The following CD44 variants were observed in gnomAD, a reference collection of about 807,000 sequenced individuals.
CD44 encodes the protein CD44 molecule (IN blood group).
In CD44, 49 loss-of-function variants were observed where a neutral mutation model predicts 88.8. The observed-to-expected ratio is 0.55, with a 90% CI of 0.44 to 0.70. The LOEUF (loss-of-function observed/expected upper bound fraction) is 0.70, where lower values mean the gene tolerates loss of function less well. Among genes scored for constraint, CD44 ranks in the 30% least tolerant of loss-of-function variants. The probability of loss-of-function intolerance (pLI) is 0.00; values close to 1 mark genes in which losing one functional copy is unlikely to be tolerated. For missense variants in CD44, 883 were observed against 913.8 expected (o/e 0.97, Z 0.43); for synonymous variants, 325 against 312.3 (o/e 1.04, Z -0.43).
At chr11:35,210,812 G>C (rs929607950) in intron 13 of CD44, 1 of 171,656 alleles carries the variant, frequency 5.8e-6, no homozygotes, top group Non-Finnish European at 1.3e-5. Flanking sequence ...GTAGCCTCAG[G>C]CCTTTGAAAC....
Position 35,139,221 on chromosome 11 carries a change from G to T in CD44, c.-83G>T, listed in dbSNP as rs551865215. On this transcript the variant is annotated 5_prime_UTR_variant, in exon 1 of 18. Transcript: ENST00000428726. Reference sequence around the variant, plus strand: ...CTGCCAGGTTCGGTCCGCCATCCTCGTCCCGTCCTCCGCCGGCCCCTGCCC... The same window carrying T: ...CTGCCAGGTTCGGTCCGCCATCCTCTTCCCGTCCTCCGCCGGCCCCTGCCC... 4.5e-4 allele frequency: 508 copies of T among 1,118,208 alleles called. 3 individuals are homozygous for T. In the Middle Eastern group the frequency reaches 5.5e-3, roughly 12 times the overall value. 69.3% of individuals were successfully genotyped at this position (1,118,208 alleles called of 1,614,324 possible).
chr11:35,202,487 A>T (rs1191485955), intron 9 of CD44, among the ~76,000 whole-genome samples: 1 of 152,166 alleles, frequency 6.6e-6, no homozygotes, highest in Non-Finnish European at 1.5e-5. Context: ...TTCTTCTTTT[A>T]TCTATCCCGC....
chr11:35,143,250 G>A (rs762823263), intron 1 of CD44, among the ~76,000 whole-genome samples: 32 of 151,736 alleles, frequency 2.1e-4, no homozygotes, highest in Non-Finnish European at 4.1e-4. Context: ...TCGCTAGATG[G>A]TCAGGAGCAC....
Position 35,229,368 on chromosome 11 carries a change from T to C in CD44, c.*35T>C, listed in dbSNP as rs1410468166. 2.9e-6 allele frequency: 4 copies of C among 1,394,156 alleles called. No homozygotes were observed. The Admixed American group carries it at 6.8e-5, about 24-fold the overall frequency. 86.4% of individuals were successfully genotyped at this position (1,394,156 alleles called of 1,614,324 possible). On this transcript the variant is annotated 3_prime_UTR_variant, in exon 18 of 18. Transcript: ENST00000428726. Reference sequence around the variant, plus strand: ...CATTATCTTGGAAAGAAACAACCGTTGGAAACATAACCATTACAGGGAGCT... The same window carrying C: ...CATTATCTTGGAAAGAAACAACCGTCGGAAACATAACCATTACAGGGAGCT...
At chr11:35,198,379 A>C in intron 7 of CD44, 133 bp downstream of exon 7, 1 of 703,062 alleles carries the variant, frequency 1.4e-6, no homozygotes, top group Non-Finnish European at 2.3e-6. Context: ...CCTTAGTTAT[A>C]TCTTGATGAG....
rs751411160 is a variant in CD44 at position 35,201,148 on chromosome 11, G to T, written c.989G>T (p.Ser330Ile). 6.2e-7 allele frequency: 1 copy of T among 1,613,946 alleles called. No homozygotes were observed. Among genetic ancestry groups the T allele is most frequent in the Non-Finnish European group, 8.5e-7 (1 of 1,179,944 alleles). The change falls in exon 8 of 18, where the codon AGC becomes ATC. Residue 330 changes from serine to isoleucine, a missense_variant. Ser to Ile is a moderately radical substitution (Grantham distance 142). This residue lies in a region of CD44 where 631 missense variants were observed against 590.9 expected (regional missense o/e 1.07). Transcript: ENST00000428726. ...CAGGACTGGACCCAGTGGAACCCAAGCCATTCAAATCCGGAAGTGCTACTT... is the reference window on the plus strand; with the variant it reads ...CAGGACTGGACCCAGTGGAACCCAATCCATTCAAATCCGGAAGTGCTACTT... Reference protein sequence around the residue: ...QNQDWTQWNPSHSNPEVLLQT... With the variant: ...QNQDWTQWNPIHSNPEVLLQT...
rs34175178 is a variant in CD44, at chr11:35,220,763, C to CT, written c.1946-870dup. Among the ~76,000 whole-genome samples the CT allele has an allele frequency of 9.4e-3, 984 of 105,190 alleles. 9 individuals are homozygous for CT. Among genetic ancestry groups the CT allele is most frequent in the African/African-American group, 0.017 (437 of 25,638 alleles). 69.0% of individuals were successfully genotyped at this position (105,190 alleles called of 152,430 possible). On this transcript the variant is annotated intron_variant, in intron 16 of 17. Transcript: ENST00000428726. ...CCATGGTTACCATTTTAATATACGT[C>CT]TTTTTTTTTTTTTTTTTTTTTGAGA...
chr11:35,190,604 C>A (rs1255306033), intron 5 of CD44, among the ~76,000 whole-genome samples: 3 of 152,182 alleles, frequency 2.0e-5, no homozygotes, highest in Admixed American at 2.0e-4. Flanking sequence ...GCTTAGCTTT[C>A]CAATAATGGA....
chr11:35,149,905 C>G lies in CD44; in HGVS notation c.67+10535C>G, dbSNP rs116809297. Among the ~76,000 whole-genome samples the G allele has an allele frequency of 6.3e-3, 956 of 152,272 alleles. 6 individuals are homozygous for G. Among genetic ancestry groups the G allele is most frequent in the African/African-American group, 0.022 (917 of 41,542 alleles). ...GTGTTGTAGGGACAAAGTGCTTTGC[C>G]CGTAGTACTTCATAGAATCCTCTAG... On this transcript the variant is annotated intron_variant, in intron 1 of 17. Transcript: ENST00000428726.
At chr11:35,196,210 C>T (rs1946726680) in intron 5 of CD44, among the ~76,000 whole-genome samples, 12 of 152,194 alleles carry the variant, frequency 7.9e-5, no homozygotes, top group Admixed American at 7.9e-4. Context: ...GCCAAGTGAT[C>T]TTCCTGACTA....
chr11:35,206,293 G>A, intron 11 of CD44, 50 bp downstream of exon 11: 1 of 1,533,348 alleles, frequency 6.5e-7, no homozygotes. Context: ...AATCCACTGA[G>A]TGACTGCTGA....
At chr11:35,206,669 T>TGGGGGGGG (rs57972216) in intron 11 of CD44, among the ~76,000 whole-genome samples, 3 of 146,074 alleles carry the variant, frequency 2.1e-5, no homozygotes, top group South Asian at 2.2e-4. Context: ...TGGGGGTTGG[T>TGGGGGGGG]GGGGGGGGCA....
intron 1 of CD44, among the ~76,000 whole-genome samples, chr11:35,161,219 G>T (rs1942556372): frequency 2.0e-5 from 3 of 152,168 alleles, no homozygotes. Flanking sequence ...TTTGCTAAAT[G>T]ATTTAGGTAT....
intron 3 of CD44, among the ~76,000 whole-genome samples, chr11:35,182,018 T>C (rs1384169837): frequency 1.7e-5 from 2 of 118,022 alleles, no homozygotes; most frequent in Non-Finnish European, 3.3e-5. Context: ...TGTATATATG[T>C]ATATATAAAT....
intron 13 of CD44, 130 bp from the exon 14 acceptor site, chr11:35,211,116 C>T (rs1421667550): frequency 8.8e-6 from 6 of 685,336 alleles, no homozygotes; most frequent in Non-Finnish European, 1.6e-5. Context: ...TGACAAACTT[C>T]ACTCTATTTC....
chr11:35,227,367 A>G (rs1949779145), intron 17 of CD44, among the ~76,000 whole-genome samples: 1 of 152,042 alleles, frequency 6.6e-6, no homozygotes, highest in Non-Finnish European at 1.5e-5. Context: ...TGTATTTTGA[A>G]TACAGACTGG....
At chr11:35,228,311 G>C (rs979110470) in intron 17 of CD44, among the ~76,000 whole-genome samples, 1 of 152,120 alleles carries the variant, frequency 6.6e-6, no homozygotes, top group Non-Finnish European at 1.5e-5. Flanking sequence ...CCTATATCAG[G>C]GTTGTATGAG....
rs757333426 is a variant in CD44 at position 35,180,419 on chromosome 11, G to C, written c.367+12G>C. Reference sequence around the variant, plus strand: ...CTTCAATGCTTCAGGTTGGTTCTCAGGGGGGTGTCTGTTGGCGTGAAAGGC... The same window carrying C: ...CTTCAATGCTTCAGGTTGGTTCTCACGGGGGTGTCTGTTGGCGTGAAAGGC... On this transcript the variant is annotated intron_variant, in intron 3 of 17. Transcript: ENST00000428726. 26 of 1,613,738 alleles carry C rather than the reference G, an allele frequency of 1.6e-5. 1 individual carries two copies. In the South Asian group the frequency reaches 2.9e-4, roughly 18 times the overall value.
chr11:35,199,821 AAT>A, intron 7 of CD44, among the ~76,000 whole-genome samples: 1 of 152,218 alleles, frequency 6.6e-6, no homozygotes, highest in Non-Finnish European at 1.5e-5. Context: ...CCCATCAGTA[AAT>A]ACGTGGTCTT....
Sources: gnomAD v4.1 joint callset for allele counts (sites outside exome capture counted in the v4.1 genomes callset) on GRCh38, gnomAD v4.1.1 for gene constraint, gnomAD v4.1.1 regional missense constraint, MANE v1.5 for transcripts, NCBI Gene and HGNC (gene_info 2026-07-23, HGNC 2026-07-21) for gene names.